The following KIF13B variants were observed in gnomAD, a reference collection of about 807,000 sequenced individuals.
The protein encoded by KIF13B is kinesin-like protein KIF13B.
KIF13B carries 127 observed loss-of-function variants against 222.0 expected under a neutral mutation model. The ratio of observed to expected loss-of-function variants is 0.57; its 90% CI spans 0.50 to 0.66. KIF13B has a LOEUF of 0.66. KIF13B is among the 30% of genes least tolerant of loss of function. The probability of loss-of-function intolerance (pLI) is 0.00; values close to 1 mark genes in which losing one functional copy is unlikely to be tolerated. For synonymous variants in KIF13B, 976 were observed against 919.0 expected (o/e 1.06, Z -1.12); for missense variants, 2,173 against 2,379.0 (o/e 0.91, Z 1.80).
rs1807210365 is a variant in KIF13B, at chr8:29,070,591, G to A, written c.5394C>T (p.Ala1798=). The A allele has an allele frequency of 6.3e-7, 1 of 1,597,634 alleles. No individual in the cohort carries two copies. Among genetic ancestry groups the A allele is most frequent in the South Asian group, 1.1e-5 (1 of 88,954 alleles). Residue 1798 remains alanine, a synonymous_variant, in exon 40 of 40, where the codon GCC becomes GCT. Transcript: ENST00000524189. This position sits in a 1 kb window ranked among gnomAD's most constrained non-coding sequence, Gnocchi z 4.1. ...CAGCTGTCAGCGAGGCCAGGTTGGT[G>A]GCGGAGCCCGAGAGGGTGGCGCTCC... ...ARRSATLSGS[A]TNLASLTAAL...
chr8:29,084,202 C>T (rs1484772316), intron 37 of KIF13B, among the ~76,000 whole-genome samples: 2 of 152,310 alleles, frequency 1.3e-5, no homozygotes, highest in East Asian at 1.9e-4. Context: ...AAGCGTGAGC[C>T]ACCGCACCCG....
At position 29,071,522 on chromosome 8, in the gene KIF13B, C is replaced by T. The variant is rs1029440225; in HGVS notation, c.5218+98G>A. ...CCAAGCCGCTGCCTCCCGGCCCCTC[C>T]CTCTCCTGCCCGGACCCTGTCCCCT... On this transcript the variant is annotated intron_variant, in intron 39 of 39. Transcript: ENST00000524189. This position sits in a 1 kb window ranked among gnomAD's most constrained non-coding sequence, Gnocchi z 4.9. 2 of 1,135,580 alleles carry T rather than the reference C, an allele frequency of 1.8e-6. No homozygotes were observed. Among genetic ancestry groups the T allele is most frequent in the East Asian group, 2.6e-5 (1 of 38,766 alleles). The allele number at this position is 1,135,580 out of a possible 1,614,324, so 70.3% of individuals were successfully genotyped here. A position where few individuals can be genotyped will look rare whatever the true frequency, so the allele number is the denominator to read the frequency against.
chr8:29,113,083 CAG>C (rs1434257183), intron 32 of KIF13B, among the ~76,000 whole-genome samples: 1 of 152,146 alleles, frequency 6.6e-6, no homozygotes, highest in Non-Finnish European at 1.5e-5. Flanking sequence ...AATATGGGCT[CAG>C]AGTAATTTAC....
At chr8:29,141,023 C>T (rs1199468624) in intron 19 of KIF13B, among the ~76,000 whole-genome samples, 1 of 152,148 alleles carries the variant, frequency 6.6e-6, no homozygotes, top group Non-Finnish European at 1.5e-5. Context: ...CTGCTTATTC[C>T]TAGCAAGTCA....
Position 29,147,471 on chromosome 8 carries a change from G to A in KIF13B, c.1945C>T (p.Gln649Ter). 6.2e-7 allele frequency: 1 copy of A among 1,613,176 alleles called. No individual in the cohort carries two copies. The highest frequency in any genetic ancestry group is 2.2e-5 in the East Asian group (1 of 44,864). The change falls in exon 17 of 40, where the codon CAG becomes TAG. Residue 649 changes from glutamine to a stop codon, truncating the protein, a stop_gained. Coordinates refer to ENST00000524189, the MANE Select transcript of KIF13B (RefSeq NM_015254.4). LOFTEE classifies it high-confidence loss of function. ...AACCTGTCCATGCTCCGGCAGTTCT[G>A]CTTCTCAGGAGACAGCCTTCTCCGG... is the stretch of plus-strand genomic sequence containing the variant. ...QLRRRLSPEK[Q>*]NCRSMDRFSF...
intron 2 of KIF13B, among the ~76,000 whole-genome samples, chr8:29,239,528 C>T (rs1358677164): frequency 3.9e-5 from 6 of 152,074 alleles, no homozygotes; most frequent in Non-Finnish European, 8.8e-5. Flanking sequence ...CTGGGGACTC[C>T]AAAAGGGGGA....
intron 2 of KIF13B, among the ~76,000 whole-genome samples, chr8:29,240,047 AAAAG>A (rs1466112157): frequency 1.1e-4 from 17 of 151,978 alleles, no homozygotes; most frequent in Non-Finnish European, 1.8e-4. Flanking sequence ...GAAAAAAAAA[AAAAG>A]AAAGAACAGG....
Position 29,176,171 on chromosome 8 carries a change from G to T in KIF13B, c.842C>A (p.Thr281Lys). 2.5e-6 allele frequency: 4 copies of T among 1,605,110 alleles called. No individual in the cohort carries two copies. Among genetic ancestry groups the T allele is most frequent in the Non-Finnish European group, 3.4e-6 (4 of 1,172,410 alleles). Residue 281 changes from threonine (T) to lysine (K), a missense_variant, in exon 10 of 40, where the codon ACA becomes AAA. Physicochemically the swap from Thr to Lys is moderately conservative, Grantham distance 78 (BLOSUM62 -1). This residue lies in a region of KIF13B where 1,480 missense variants were observed against 1,722.8 expected (regional missense o/e 0.86). Coordinates refer to ENST00000524189, the MANE Select transcript of KIF13B (RefSeq NM_015254.4). ...KEGSNINKSL[T>K]TLGLVISALA... Reference sequence around the variant, plus strand: ...AGCTGAGATAACCAGACCGAGGGTTGTGAGGGACCTGCATGGTGCAACAAA... The same window carrying T: ...AGCTGAGATAACCAGACCGAGGGTTTTGAGGGACCTGCATGGTGCAACAAA...
At chr8:29,151,174 C>T (rs1452876865) in intron 14 of KIF13B, among the ~76,000 whole-genome samples, 2 of 152,184 alleles carry the variant, frequency 1.3e-5, no homozygotes, top group African/African-American at 2.4e-5. Context: ...CCACAATATT[C>T]CCTCAACCAA....
Position 29,245,347 on chromosome 8 carries a change from G to C in KIF13B, c.148C>G (p.Arg50Gly), listed in dbSNP as rs752753259. Residue 50 changes from arginine (R) to glycine (G), a missense_variant and splice_region_variant, in exon 2 of 40, where the codon CGG (arginine) becomes GGG (glycine). By Grantham distance (125) the Arg-to-Gly change is moderately radical. Transcript: ENST00000524189. ...VNTNLSKGDARGQPKVFAYDH... is the reference protein window; with the variant it reads ...VNTNLSKGDAGGQPKVFAYDH... ...GCACAGCACTGTTTCTTAACTCACCGGGCATCTCCTTTGGAAAGATTCGTA... is the reference window on the plus strand; with the variant it reads ...GCACAGCACTGTTTCTTAACTCACCCGGCATCTCCTTTGGAAAGATTCGTA... 8.2e-6 allele frequency: 13 copies of C among 1,584,310 alleles called. No homozygotes were observed. The highest frequency in any genetic ancestry group is 1.1e-5 in the Non-Finnish European group (13 of 1,161,168).
At chr8:29,261,427 C>T (rs991735059) in intron 1 of KIF13B, among the ~76,000 whole-genome samples, 5 of 152,120 alleles carry the variant, frequency 3.3e-5, no homozygotes, top group African/African-American at 9.7e-5. Flanking sequence ...GGTTGGTTAG[C>T]GGCCTCTTTT....
At chr8:29,171,126 G>C (rs1255019876) in intron 10 of KIF13B, among the ~76,000 whole-genome samples, 8 of 152,202 alleles carry the variant, frequency 5.3e-5, no homozygotes, top group Non-Finnish European at 4.4e-5. Flanking sequence ...AACGAAAAGA[G>C]GGAGATGAAT....
In KIF13B at chr8:29,249,430, TAAA is replaced by T. The variant is rs770545452; in HGVS notation, c.56-3994_56-3992del. Among the ~76,000 whole-genome samples, 72 of 118,760 alleles carry T rather than the reference TAAA, an allele frequency of 6.1e-4. 1 individual carries two copies. The highest frequency in any genetic ancestry group is 2.0e-3 in the East Asian group (9 of 4,600). 77.9% of individuals were successfully genotyped at this position (118,760 alleles called of 152,430 possible). A position where few individuals can be genotyped will look rare whatever the true frequency, so the allele number is the denominator to read the frequency against. On this transcript the variant is annotated intron_variant, in intron 1 of 39. Coordinates refer to ENST00000524189, the MANE Select transcript of KIF13B (RefSeq NM_015254.4). ...GGGCGACAGAGCAAGACTCCGTCTT[TAAA>T]AAAAAAAAAAAAAAAAAAAAGATAA...
intron 16 of KIF13B, among the ~76,000 whole-genome samples, chr8:29,147,864 A>G (rs1284084310): frequency 2.6e-5 from 4 of 152,242 alleles, no homozygotes; most frequent in Admixed American, 1.3e-4. Context: ...CGAATCCTCC[A>G]GAAATACAAT....
intron 37 of KIF13B, among the ~76,000 whole-genome samples, chr8:29,088,265 T>TAAAAAAAA (rs947700057): frequency 6.7e-6 from 1 of 148,486 alleles, no homozygotes. Context: ...GACTCCATCT[T>TAAAAAAAA]AAAAAAAAAA....
In KIF13B at chr8:29,072,182, C is replaced by T; in HGVS notation, c.4656G>A (p.Glu1552=). The part of the protein sequence containing the change: ...IAVTAVTPAP[E]AQDGPPSPLS... ...GGGGGCTGGGGGGCCCGTCCTGTGC[C>T]TCCGGAGCCGGGGTGACCGCTGTGA... Residue 1552 remains glutamate (E), a synonymous_variant, in exon 39 of 40, where the codon GAG becomes GAA. Transcript: ENST00000524189. The T allele has an allele frequency of 7.0e-7, 1 of 1,436,800 alleles. No homozygotes were observed. Among genetic ancestry groups the T allele is most frequent in the Non-Finnish European group, 9.1e-7 (1 of 1,095,362 alleles). 89.0% of individuals were successfully genotyped at this position (1,436,800 alleles called of 1,614,324 possible). A position where few individuals can be genotyped will look rare whatever the true frequency, so the allele number is the denominator to read the frequency against.
chr8:29,137,505 A>G (rs13251954), intron 21 of KIF13B, among the ~76,000 whole-genome samples: 91,368 of 152,166 alleles, frequency 0.6, 28,905 homozygotes, highest in Middle Eastern at 0.71. Context: ...CAGTGAAAAC[A>G]TGGAGATGTT....
chr8:29,147,645 C>T (rs1367582216), intron 16 of KIF13B, 43 bp from the exon 17 acceptor site: 1 of 1,385,562 alleles, frequency 7.2e-7, no homozygotes, highest in Non-Finnish European at 1.0e-6. Flanking sequence ...AGAGTTACAA[C>T]ATAATAAACT....
intron 31 of KIF13B, among the ~76,000 whole-genome samples, chr8:29,114,215 T>C (rs770443957): frequency 5.9e-5 from 9 of 152,194 alleles, no homozygotes; most frequent in South Asian, 2.1e-4. Context: ...GGAGAGCACA[T>C]GAAATGGGCA....
Sources: allele counts gnomAD v4.1 joint callset (sites outside exome capture counted in the v4.1 genomes callset), GRCh38; gene constraint gnomAD v4.1.1; regional missense constraint gnomAD v4.1.1; non-coding constraint Gnocchi (gnomAD v3.1); transcripts MANE v1.5; gene names NCBI Gene and HGNC (gene_info 2026-07-23, HGNC 2026-07-21).